MAP4K3: variants seen among roughly 807,000 people sequenced by gnomAD.
The protein encoded by MAP4K3 is MAPK/ERK kinase kinase kinase 3.
In MAP4K3, 94 loss-of-function variants were observed where a neutral mutation model predicts 143.5. The observed-to-expected ratio is 0.65, with a 90% CI of 0.55 to 0.78. The LOEUF is 0.78. Among genes scored for constraint, MAP4K3 ranks in the 30% least tolerant of loss-of-function variants. The pLI is 0.00. For missense variants in MAP4K3, 1,077 were observed against 1,068.1 expected, an observed-to-expected ratio of 1.01 and a Z score of -0.12; for synonymous variants, 416 against 347.2, an observed-to-expected ratio of 1.20 and a Z score of -2.20.
chr2:39,417,365 G>A (rs1461758803), intron 1 of MAP4K3, among the ~76,000 whole-genome samples: 2 of 152,030 alleles, frequency 1.3e-5, no homozygotes, highest in South Asian at 2.1e-4. Flanking sequence ...GACTACAGGC[G>A]CCTGTCACCA....
At chr2:39,381,842 G>A (rs1666362951) in intron 1 of MAP4K3, among the ~76,000 whole-genome samples, 1 of 152,008 alleles carries the variant, frequency 6.6e-6, no homozygotes, top group East Asian at 1.9e-4. Context: ...CCCTCCCCTG[G>A]CCTAACAGAC....
chr2:39,365,296 G>A lies in MAP4K3; in HGVS notation c.155-8957C>T, dbSNP rs570339408. Among the ~76,000 whole-genome samples the A allele has an allele frequency of 9.2e-5, 14 of 152,142 alleles. 1 individual carries two copies. In the South Asian group the frequency reaches 1.7e-3, roughly 18 times the overall value. ...GGGAGGAGGGTATAATGAGGATGTC[G>A]GAGTCTCATTATGATGGTAACATCA... On this transcript the variant is annotated intron_variant, in intron 2 of 33. Transcript: ENST00000263881.
chr2:39,267,326 C>A, intron 26 of MAP4K3, 79 bp from the exon 27 acceptor site: 1 of 1,105,482 alleles, frequency 9.0e-7, no homozygotes, highest in Non-Finnish European at 1.4e-6. Flanking sequence ...TAGATCAGTG[C>A]ACAAAGGATG....
At chr2:39,278,693 T>C (rs1397802404) in intron 23 of MAP4K3, among the ~76,000 whole-genome samples, 1 of 152,138 alleles carries the variant, frequency 6.6e-6, no homozygotes, top group Non-Finnish European at 1.5e-5. Flanking sequence ...TGAAGAGAAT[T>C]TTTATGTAAG....
At chr2:39,321,933 G>A (rs1407774043) in intron 12 of MAP4K3, among the ~76,000 whole-genome samples, 2 of 152,206 alleles carry the variant, frequency 1.3e-5, no homozygotes, top group African/African-American at 4.8e-5. Context: ...CCCCCTCTCG[G>A]GGAAACACCC....
chr2:39,284,647 C>T (rs1272975556), intron 21 of MAP4K3, among the ~76,000 whole-genome samples: 1 of 151,672 alleles, frequency 6.6e-6, no homozygotes, highest in East Asian at 2.0e-4. Context: ...GATTCGAGAC[C>T]AGCCTGACCA....
At position 39,282,618 on chromosome 2, in the gene MAP4K3, T is replaced by C. The variant is rs923335496; in HGVS notation, c.1588-64A>G. 13 of 1,045,152 alleles carry C rather than the reference T, an allele frequency of 1.2e-5. 1 individual carries two copies. Among genetic ancestry groups the C allele is most frequent in the South Asian group, 1.1e-4 (8 of 74,120 alleles). 64.7% of individuals were successfully genotyped at this position (1,045,152 alleles called of 1,614,324 possible). A position where few individuals can be genotyped will look rare whatever the true frequency, so the allele number is the denominator to read the frequency against. On this transcript the variant is annotated intron_variant, in intron 21 of 33. Transcript: ENST00000263881. Reference sequence around the variant, plus strand: ...TGCTGTTTGATATAATAATACTGTATTTCAAACACATTTATTCAAATAAAA... The same window carrying C: ...TGCTGTTTGATATAATAATACTGTACTTCAAACACATTTATTCAAATAAAA...
chr2:39,271,919 C>A (rs1204984778), intron 26 of MAP4K3: 2 of 170,976 alleles, frequency 1.2e-5, no homozygotes, highest in African/African-American at 2.4e-5. Context: ...TTCAATAAAT[C>A]ATTTTGATTT....
intron 1 of MAP4K3, among the ~76,000 whole-genome samples, chr2:39,414,543 A>G (rs1181472162): frequency 1.3e-5 from 2 of 151,704 alleles, no homozygotes; most frequent in Non-Finnish European, 2.9e-5. Context: ...TCTTTCTTCT[A>G]CTCTGTCTGC....
In MAP4K3 at chr2:39,276,925, G is replaced by A. The variant is rs1006253556; in HGVS notation, c.1794+1482C>T. ...ATAAAAATGTCCTAAAACTGATGGT[G>A]TAATGGCTGCACAACGCTGTGAACG... On this transcript the variant is annotated intron_variant, in intron 24 of 33. Transcript: ENST00000263881. Among the ~76,000 whole-genome samples, 11 of 152,336 alleles carry A rather than the reference G, an allele frequency of 7.2e-5. No homozygotes were observed. The East Asian group carries it at 2.1e-3, about 29-fold the overall frequency.
chr2:39,315,207 G>A, intron 13 of MAP4K3, 103 bp downstream of exon 13: 1 of 708,180 alleles, frequency 1.4e-6, no homozygotes, highest in Non-Finnish European at 2.2e-6. Context: ...ACAGTGTTTA[G>A]TAAGAAAAAC....
chr2:39,422,218 A>C (rs1027583167), intron 1 of MAP4K3, among the ~76,000 whole-genome samples: 10 of 151,880 alleles, frequency 6.6e-5, no homozygotes, highest in African/African-American at 1.9e-4. Context: ...CAATGTCACC[A>C]TTTCCTCCTG....
At chr2:39,402,052 T>G (rs536359729) in intron 1 of MAP4K3, among the ~76,000 whole-genome samples, 3 of 152,228 alleles carry the variant, frequency 2.0e-5, no homozygotes, top group East Asian at 3.9e-4. Flanking sequence ...CTATGATAAC[T>G]ACATTACATA....
chr2:39,299,738 CT>C lies in MAP4K3; in HGVS notation c.1178+4del. The C allele has an allele frequency of 6.5e-7, 1 of 1,536,536 alleles. No individual in the cohort carries two copies. The highest frequency in any genetic ancestry group is 2.0e-5 in the Admixed American group (1 of 50,568). On this transcript the variant is annotated splice_donor_region_variant and intron_variant, in intron 16 of 33. Coordinates refer to ENST00000263881, the MANE Select transcript of MAP4K3 (RefSeq NM_003618.4). ...TAAATTAAGTTTTAAAAGAACTTTA[CT>C]TACTTGTTTGCACCTAAAAAGTAAC... is the stretch of plus-strand genomic sequence containing the variant.
At chr2:39,321,774 C>T (rs1345107692) in intron 12 of MAP4K3, among the ~76,000 whole-genome samples, 1 of 152,224 alleles carries the variant, frequency 6.6e-6, no homozygotes, top group Non-Finnish European at 1.5e-5. Flanking sequence ...GGCAACAATA[C>T]TGGTTTGTAA....
At chr2:39,425,233 A>T (rs919999688) in intron 1 of MAP4K3, among the ~76,000 whole-genome samples, 1 of 152,146 alleles carries the variant, frequency 6.6e-6, no homozygotes, top group Non-Finnish European at 1.5e-5. Flanking sequence ...AAAACAAAGC[A>T]ACAAACTGCA....
At chr2:39,306,014 G>C (rs948966797) in intron 15 of MAP4K3, among the ~76,000 whole-genome samples, 16 of 152,050 alleles carry the variant, frequency 1.1e-4, no homozygotes, top group African/African-American at 3.9e-4. Flanking sequence ...ATTTTTAGTA[G>C]AGACAGGGTT....
chr2:39,287,953 T>C (rs1419386895), intron 20 of MAP4K3, among the ~76,000 whole-genome samples, 168 bp downstream of exon 20: 1 of 152,094 alleles, frequency 6.6e-6, no homozygotes, highest in Non-Finnish European at 1.5e-5. Context: ...AATCCTGTCA[T>C]AAAAACACTT....
At chr2:39,282,635 C>A in intron 21 of MAP4K3, 81 bp from the exon 22 acceptor site, 1 of 902,258 alleles carries the variant, frequency 1.1e-6, no homozygotes, top group South Asian at 1.4e-5. Context: ...CACATTTATT[C>A]AAATAAAATA....
Sources: allele counts gnomAD v4.1 joint callset (sites outside exome capture counted in the v4.1 genomes callset), GRCh38; gene constraint gnomAD v4.1.1; transcripts MANE v1.5; gene names NCBI Gene and HGNC (gene_info 2026-07-23, HGNC 2026-07-21).